The following FAM163A variants were observed in gnomAD, a reference collection of about 807,000 sequenced individuals.
The protein encoded by FAM163A is family with sequence similarity 163 member A, also known as protein FAM163A.
FAM163A carries 7 observed loss-of-function variants against 12.0 expected under a neutral mutation model. The ratio of observed to expected loss-of-function variants is 0.58; its 90% CI spans 0.33 to 1.10. FAM163A has a LOEUF of 1.10. Ranked by LOEUF, FAM163A falls within the 50% of genes least tolerant of loss-of-function variation. FAM163A has a pLI of 0.03. For missense variants in FAM163A, 202 were observed against 218.6 expected (o/e 0.92, Z 0.48); for synonymous variants, 101 against 91.0 (o/e 1.11, Z -0.62).
At chr1:179,736,779 T>C in the FAM163A span, among the ~76,000 whole-genome samples, 2 of 151,358 alleles carry the variant, frequency 1.3e-5, no homozygotes, top group Non-Finnish European at 2.9e-5. Context: ...CACTGCACTC[T>C]AGCCTGGGTG....
At chr1:179,763,461 G>A (rs1023509500) in intron 1 of FAM163A, among the ~76,000 whole-genome samples, 7 of 152,178 alleles carry the variant, frequency 4.6e-5, no homozygotes, top group African/African-American at 7.2e-5. Flanking sequence ...CAGTGCCATC[G>A]AAATAATTGT....
chr1:179,761,186 A>G (rs1421369970), intron 1 of FAM163A, among the ~76,000 whole-genome samples: 1 of 152,270 alleles, frequency 6.6e-6, no homozygotes, highest in Non-Finnish European at 1.5e-5. Context: ...TTTTGTGTGT[A>G]TGAGGGTATC....
chr1:179,768,178 A>G (rs1286840901), intron 1 of FAM163A, among the ~76,000 whole-genome samples: 2 of 152,226 alleles, frequency 1.3e-5, no homozygotes, highest in African/African-American at 4.8e-5. Flanking sequence ...TTCCTTCTTA[A>G]GGCTGCATAA....
intron 1 of FAM163A, among the ~76,000 whole-genome samples, chr1:179,790,431 A>G (rs1281092202): frequency 6.6e-6 from 1 of 152,136 alleles, no homozygotes; most frequent in African/African-American, 2.4e-5. Context: ...GAGGGGAGCC[A>G]GTATTTCAAC....
intron 1 of FAM163A, among the ~76,000 whole-genome samples, chr1:179,757,800 A>T (rs60627561): frequency 0.017 from 2,563 of 149,360 alleles, 74 homozygotes; most frequent in African/African-American, 0.059. Context: ...CGACAAAGCG[A>T]GACTGTCTCA....
intron 1 of FAM163A, among the ~76,000 whole-genome samples, chr1:179,766,554 G>T (rs377319790): frequency 2.0e-5 from 3 of 152,142 alleles, no homozygotes. Context: ...CATTCTGAAG[G>T]CTCCCAGATA....
intron 1 of FAM163A, among the ~76,000 whole-genome samples, chr1:179,793,757 G>A (rs888291203): frequency 1.3e-5 from 2 of 152,218 alleles, no homozygotes; most frequent in African/African-American, 4.8e-5. Context: ...TTGAAAGAAA[G>A]CAACAGCCCT....
chr1:179,778,269 C>T (rs1182969294), intron 1 of FAM163A, among the ~76,000 whole-genome samples: 1 of 152,184 alleles, frequency 6.6e-6, no homozygotes, highest in Non-Finnish European at 1.5e-5. Flanking sequence ...AGCCTCCTTA[C>T]ACCCCATATC....
chr1:179,737,757 C>T, the FAM163A span, among the ~76,000 whole-genome samples: 1 of 151,904 alleles, frequency 6.6e-6, no homozygotes, highest in Admixed American at 6.6e-5. Context: ...ATGGCATGAA[C>T]CTGGGAGGCA....
At chr1:179,748,778 A>T (rs1684864505) in intron 1 of FAM163A, among the ~76,000 whole-genome samples, 2 of 152,204 alleles carry the variant, frequency 1.3e-5, no homozygotes. Flanking sequence ...TTTGATACAT[A>T]AGCTCAGGAG....
chr1:179,744,758 T>A (rs1186547738), intron 1 of FAM163A, among the ~76,000 whole-genome samples: 1 of 151,976 alleles, frequency 6.6e-6, no homozygotes, highest in Non-Finnish European at 1.5e-5. Context: ...GGGGGCCCCA[T>A]CCTGAGATTC....
rs771712473 is a variant in FAM163A at position 179,813,896 on chromosome 1, G to T, written c.211G>T (p.Asp71Tyr). 35 of 1,613,940 alleles carry T rather than the reference G, an allele frequency of 2.2e-5. No homozygotes were observed. The South Asian group carries it at 3.7e-4, about 17-fold the overall frequency. ...TCNACSSQALDGRGSLAPLTS... is the reference protein window; with the variant it reads ...TCNACSSQALYGRGSLAPLTS... ...CAATGCCTGCAGCTCCCAAGCCCTG[G>T]ACGGCAGAGGCAGCCTGGCGCCTCT... The change falls in exon 5 of 5, where the codon GAC becomes TAC. Residue 71 changes from aspartate (D) to tyrosine (Y), a missense_variant. Transcript: ENST00000341785.
At chr1:179,764,010 A>G (rs924791477) in intron 1 of FAM163A, among the ~76,000 whole-genome samples, 3 of 151,792 alleles carry the variant, frequency 2.0e-5, no homozygotes, top group African/African-American at 7.2e-5. Flanking sequence ...AAAGAGAGAC[A>G]GAGAGAGAGA....
At chr1:179,785,581 T>C (rs1342419647) in intron 1 of FAM163A, among the ~76,000 whole-genome samples, 2 of 152,118 alleles carry the variant, frequency 1.3e-5, no homozygotes, top group African/African-American at 4.8e-5. Context: ...AATGATCTCT[T>C]CACAATGTAT....
At chr1:179,772,660 A>C (rs988891842) in intron 1 of FAM163A, among the ~76,000 whole-genome samples, 1 of 152,142 alleles carries the variant, frequency 6.6e-6, no homozygotes, top group African/African-American at 2.4e-5. Context: ...TGTAGTTAGG[A>C]TAGGGTTTAA....
chr1:179,809,548 G>GC (rs369607886), intron 2 of FAM163A, among the ~76,000 whole-genome samples: 3 of 152,306 alleles, frequency 2.0e-5, no homozygotes, highest in African/African-American at 7.2e-5. Flanking sequence ...ACACTGCCAT[G>GC]CCCCCGATGT....
intron 1 of FAM163A, among the ~76,000 whole-genome samples, chr1:179,747,167 GA>G (rs56223950): frequency 3.3e-3 from 75 of 22,538 alleles, no homozygotes; most frequent in African/African-American, 4.0e-3. Flanking sequence ...GAGATGCTTG[GA>G]AAAAAAAAAA....
intron 1 of FAM163A, among the ~76,000 whole-genome samples, chr1:179,784,158 T>C (rs113638374): frequency 0.02 from 2,993 of 152,262 alleles, 71 homozygotes; most frequent in African/African-American, 0.051. Flanking sequence ...TTGGGCGTAA[T>C]TGATAACAAA....
At chr1:179,811,790 C>T (rs562604127) in intron 2 of FAM163A, among the ~76,000 whole-genome samples, 2 of 152,158 alleles carry the variant, frequency 1.3e-5, no homozygotes, top group African/African-American at 2.4e-5. Flanking sequence ...CAAAGCCCTT[C>T]GGGACAGCTC....
Sources: gnomAD v4.1 joint callset for allele counts (sites outside exome capture counted in the v4.1 genomes callset) on GRCh38, gnomAD v4.1.1 for gene constraint, MANE v1.5 for transcripts, NCBI Gene and HGNC (gene_info 2026-07-23, HGNC 2026-07-21) for gene names.